Variants in EYS observed in about 807,000 individuals in gnomAD.
The protein encoded by EYS is EGF-like photoreceptor maintenance factor, also known as protein eyes shut homolog.
A neutral mutation model predicts 282.1 loss-of-function variants in EYS; 250 were observed. The ratio of observed to expected loss-of-function variants is 0.89; its 90% CI spans 0.80 to 0.98. EYS has a LOEUF of 0.98. Among genes scored for constraint, EYS ranks in the 50% least tolerant of loss-of-function variants. The pLI, the probability that EYS is intolerant of heterozygous loss-of-function variation, is 0.00. For missense variants in EYS, 4,016 were observed against 3,709.0 expected (o/e 1.08, Z -2.15); for synonymous variants, 1,355 against 1,282.9 (o/e 1.06, Z -1.20).
intron 35 of EYS, among the ~76,000 whole-genome samples, chr6:63,932,718 T>A (rs1178842795): frequency 6.6e-6 from 1 of 152,218 alleles, no homozygotes; most frequent in African/African-American, 2.4e-5. Context: ...ACACTTCTGA[T>A]ACCAGATATG....
At chr6:65,102,229 T>C (rs1774915019) in intron 12 of EYS, among the ~76,000 whole-genome samples, 1 of 151,352 alleles carries the variant, frequency 6.6e-6, no homozygotes, top group Non-Finnish European at 1.5e-5. Context: ...TTAATGACTT[T>C]GAGAAAATAT....
At chr6:64,178,414 C>T (rs1326768491) in intron 31 of EYS, among the ~76,000 whole-genome samples, 1 of 152,070 alleles carries the variant, frequency 6.6e-6, no homozygotes, top group Non-Finnish European at 1.5e-5. Flanking sequence ...CTGTAATTTT[C>T]TACATGAGTG....
At chr6:64,889,771 AC>A (rs1477814808) in intron 18 of EYS, among the ~76,000 whole-genome samples, 1 of 151,962 alleles carries the variant, frequency 6.6e-6, no homozygotes, top group Non-Finnish European at 1.5e-5. Context: ...TCGCCTCAGG[AC>A]CTTGTGATAA....
chr6:64,716,000 T>G (rs2149938670), intron 22 of EYS, among the ~76,000 whole-genome samples: 1 of 152,258 alleles, frequency 6.6e-6, no homozygotes, highest in South Asian at 2.1e-4. Flanking sequence ...GTCACCTAAC[T>G]TCTGCAGATA....
At chr6:65,172,362 T>C (rs925198508) in intron 12 of EYS, among the ~76,000 whole-genome samples, 1 of 151,356 alleles carries the variant, frequency 6.6e-6, no homozygotes, top group African/African-American at 2.4e-5. Flanking sequence ...AATTTCTTTC[T>C]CAAGTGAAAT....
At position 65,549,722 on chromosome 6, in the gene EYS, G is replaced by C. The variant is rs116495221; in HGVS notation, c.-332-53729C>G. The stretch of plus-strand genomic sequence containing the variant: ...TGGGATAACATATGATATACTGGGG[G>C]CTTAATGCCTCAGCTCATATGTTTT... On this transcript the variant is annotated intron_variant, in intron 2 of 42. Coordinates refer to ENST00000503581, the MANE Select transcript of EYS (RefSeq NM_001142800.2). 4.5e-3 allele frequency among the ~76,000 whole-genome samples: 690 copies of C among 152,280 alleles called. 4 individuals carry two copies. The highest frequency in any genetic ancestry group is 6.7e-3 in the Non-Finnish European group (457 of 68,032).
At chr6:64,334,085 A>ATT (rs1475437980) in intron 29 of EYS, among the ~76,000 whole-genome samples, 25 of 152,206 alleles carry the variant, frequency 1.6e-4, no homozygotes, top group Non-Finnish European at 2.9e-4. Context: ...GGTCAACAAT[A>ATT]TTTTGAAGAA....
chr6:65,687,167 G>T (rs6455051), intron 1 of EYS, among the ~76,000 whole-genome samples: 33,722 of 151,802 alleles, frequency 0.22, 4,509 homozygotes, highest in African/African-American at 0.38. Flanking sequence ...CATCTTTAAA[G>T]CATAAAAAAT....
chr6:64,728,581 C>T (rs1388945467), intron 22 of EYS, among the ~76,000 whole-genome samples: 1 of 152,124 alleles, frequency 6.6e-6, no homozygotes, highest in African/African-American at 2.4e-5. Flanking sequence ...GTGATCTGCC[C>T]ACCTTGACCT....
At chr6:64,721,735 A>C (rs1246062002) in intron 22 of EYS, among the ~76,000 whole-genome samples, 1 of 152,198 alleles carries the variant, frequency 6.6e-6, no homozygotes, top group Non-Finnish European at 1.5e-5. Flanking sequence ...TAAAATGTTT[A>C]AAGTACTAAG....
At chr6:63,928,485 G>T (rs979274497) in intron 35 of EYS, among the ~76,000 whole-genome samples, 1 of 151,886 alleles carries the variant, frequency 6.6e-6, no homozygotes, top group Admixed American at 6.6e-5. Context: ...ATAATTTGAA[G>T]TAAGGAGGCA....
intron 15 of EYS, among the ~76,000 whole-genome samples, chr6:64,934,533 C>A (rs75189225): frequency 6.6e-6 from 1 of 151,830 alleles, no homozygotes; most frequent in African/African-American, 2.4e-5. Flanking sequence ...TTATTACATA[C>A]AAGGATCCTC....
intron 29 of EYS, among the ~76,000 whole-genome samples, chr6:64,346,455 A>G (rs932210710): frequency 2.0e-5 from 3 of 151,830 alleles, no homozygotes; most frequent in Non-Finnish European, 4.4e-5. Context: ...CACAAGGACA[A>G]AAAACCAAAC....
At chr6:64,614,326 G>T (rs941534731) in intron 24 of EYS, among the ~76,000 whole-genome samples, 6 of 152,052 alleles carry the variant, frequency 3.9e-5, no homozygotes, top group African/African-American at 1.2e-4. Context: ...TATGCTACAG[G>T]CCTATTTATC....
chr6:64,230,481 T>G (rs1766392765), intron 31 of EYS, 111 bp downstream of exon 31: 1 of 582,494 alleles, frequency 1.7e-6, no homozygotes, highest in African/African-American at 1.9e-5. Flanking sequence ...ATACAGCTGT[T>G]TCTTGTTTGT....
intron 12 of EYS, among the ~76,000 whole-genome samples, chr6:65,138,560 G>A (rs545147519): frequency 6.6e-6 from 1 of 152,116 alleles, no homozygotes; most frequent in South Asian, 2.1e-4. Context: ...AAAGTTGGAG[G>A]GAAGAAGCAA....
intron 5 of EYS, among the ~76,000 whole-genome samples, chr6:65,480,380 A>G (rs532122589): frequency 2.6e-5 from 4 of 152,124 alleles, no homozygotes; most frequent in Non-Finnish European, 5.9e-5. Flanking sequence ...ATAAATATAC[A>G]CAGATACTAC....
At chr6:63,861,535 C>T (rs1772531365) in intron 36 of EYS, among the ~76,000 whole-genome samples, 1 of 152,190 alleles carries the variant, frequency 6.6e-6, no homozygotes, top group Non-Finnish European at 1.5e-5. Context: ...AAAAATCTTT[C>T]CATGTTCCCA....
At chr6:65,228,436 T>C (rs1189408621) in intron 12 of EYS, among the ~76,000 whole-genome samples, 1 of 152,040 alleles carries the variant, frequency 6.6e-6, no homozygotes, top group Non-Finnish European at 1.5e-5. Context: ...TTCAAAAGAC[T>C]GTTGACAGAA....
Sources: gnomAD v4.1 joint callset for allele counts (sites outside exome capture counted in the v4.1 genomes callset) on GRCh38, gnomAD v4.1.1 for gene constraint, MANE v1.5 for transcripts, NCBI Gene and HGNC (gene_info 2026-07-23, HGNC 2026-07-21) for gene names.